The following WWTR1 variants were observed in gnomAD, a reference collection of about 807,000 sequenced individuals.
The protein encoded by WWTR1 is WW domain containing transcription regulator 1.
A neutral mutation model predicts 40.1 loss-of-function variants in WWTR1; 13 were observed. The ratio of observed to expected loss-of-function variants is 0.32; its 90% CI spans 0.21 to 0.52. The LOEUF (loss-of-function observed/expected upper bound fraction) is 0.52. WWTR1 is among the 20% of genes least tolerant of loss of function. The pLI is 0.97. For synonymous variants in WWTR1, 230 were observed against 210.1 expected, an observed-to-expected ratio of 1.09 and a Z score of -0.82; for missense variants, 436 against 523.1, an observed-to-expected ratio of 0.83 and a Z score of 1.63.
At chr3:149,552,899 T>C (rs1475827474) in intron 3 of WWTR1, among the ~76,000 whole-genome samples, 5 of 152,226 alleles carry the variant, frequency 3.3e-5, no homozygotes, top group Admixed American at 6.5e-5. Context: ...CACCTTTGAC[T>C]GTCTTCTCTA....
At chr3:149,720,683 C>T (rs1388517632) in intron 4 of WWTR1, among the ~76,000 whole-genome samples, 1 of 151,972 alleles carries the variant, frequency 6.6e-6, no homozygotes, top group Non-Finnish European at 1.5e-5. Flanking sequence ...ATAGGAACCA[C>T]ACTAAATCTG....
intron 2 of WWTR1, among the ~76,000 whole-genome samples, chr3:149,642,681 A>G (rs974586057): frequency 3.3e-5 from 5 of 151,774 alleles, no homozygotes; most frequent in Non-Finnish European, 7.4e-5. Flanking sequence ...AGGCTGAGGC[A>G]GGAGAATGGC....
At chr3:149,555,341 C>A (rs1002347575) in intron 3 of WWTR1, among the ~76,000 whole-genome samples, 1 of 152,084 alleles carries the variant, frequency 6.6e-6, no homozygotes, top group African/African-American at 2.4e-5. Context: ...AGAGAACATG[C>A]AATTAGTAAT....
intron 2 of WWTR1, among the ~76,000 whole-genome samples, chr3:149,604,853 C>A (rs1168216193): frequency 6.6e-6 from 1 of 152,216 alleles, no homozygotes; most frequent in Admixed American, 6.5e-5. Context: ...GAAAGGCCCA[C>A]ACAGAAGCTG....
intron 2 of WWTR1, among the ~76,000 whole-genome samples, chr3:149,615,529 T>C (rs1280668686): frequency 6.6e-6 from 1 of 152,222 alleles, no homozygotes; most frequent in Non-Finnish European, 1.5e-5. Flanking sequence ...AATATTTCCA[T>C]AATACAAAGT....
intron 2 of WWTR1, among the ~76,000 whole-genome samples, chr3:149,625,006 TATG>T (rs1050666147): frequency 1.3e-5 from 2 of 151,694 alleles, no homozygotes; most frequent in African/African-American, 2.4e-5. Flanking sequence ...GCTGGGATTA[TATG>T]TGTGAGCCAC....
chr3:149,538,654 T>C (rs1735939227), intron 4 of WWTR1, among the ~76,000 whole-genome samples: 1 of 152,194 alleles, frequency 6.6e-6, no homozygotes, highest in South Asian at 2.1e-4. Context: ...CTTTTGATCC[T>C]AATTCTGTAG....
chr3:149,521,426 G>T (rs146460078), intron 6 of WWTR1, among the ~76,000 whole-genome samples: 2 of 152,264 alleles, frequency 1.3e-5, no homozygotes, highest in African/African-American at 2.4e-5. Flanking sequence ...CTATTAAAAA[G>T]TTGTCTTCAT....
chr3:149,656,748 C>T (rs1360949211), intron 2 of WWTR1, 128 bp downstream of exon 2: 15 of 932,098 alleles, frequency 1.6e-5, no homozygotes, highest in Non-Finnish European at 6.0e-6. Context: ...TGGAAGGACA[C>T]GCACCATCTC....
intron 6 of WWTR1, among the ~76,000 whole-genome samples, chr3:149,521,694 T>C (rs974392741): frequency 1.3e-5 from 2 of 152,206 alleles, no homozygotes; most frequent in Non-Finnish European, 2.9e-5. Context: ...AGAACACAGG[T>C]GAGAAAATGC....
intron 5 of WWTR1, among the ~76,000 whole-genome samples, chr3:149,716,587 GA>G (rs896943441): frequency 3.7e-4 from 56 of 150,786 alleles, no homozygotes; most frequent in African/African-American, 1.2e-3. Flanking sequence ...TGGTATTAGG[GA>G]AAAAAAAATT....
intron 5 of WWTR1, among the ~76,000 whole-genome samples, chr3:149,711,159 G>C (rs1410265469): frequency 8.6e-6 from 1 of 116,244 alleles, no homozygotes; most frequent in African/African-American, 3.7e-5. Context: ...TCACACACTT[G>C]CTAAAAAAAA....
chr3:149,586,518 C>T (rs907657177), intron 2 of WWTR1, among the ~76,000 whole-genome samples: 1 of 152,164 alleles, frequency 6.6e-6, no homozygotes, highest in East Asian at 1.9e-4. Context: ...TCTAGAGTTC[C>T]TATAACCCTT....
intron 3 of WWTR1, among the ~76,000 whole-genome samples, chr3:149,558,539 C>G (rs6788170): frequency 0.017 from 2,522 of 152,284 alleles, 68 homozygotes; most frequent in African/African-American, 0.058. Context: ...CTGCTGCCCC[C>G]ACCCCACCTT....
intron 6 of WWTR1, among the ~76,000 whole-genome samples, chr3:149,523,065 T>TAAAA (rs35874540): frequency 1.4e-5 from 2 of 141,582 alleles, no homozygotes; most frequent in Non-Finnish European, 3.0e-5. Context: ...GACCCCGTAT[T>TAAAA]AAAAAAAAAA....
intron 4 of WWTR1, among the ~76,000 whole-genome samples, chr3:149,533,693 G>T (rs1161200192): frequency 6.6e-6 from 1 of 152,112 alleles, no homozygotes; most frequent in Non-Finnish European, 1.5e-5. Flanking sequence ...TCAAATCCCA[G>T]TTCAGTTACT....
At chr3:149,648,788 G>A (rs902181078) in intron 2 of WWTR1, among the ~76,000 whole-genome samples, 6 of 152,046 alleles carry the variant, frequency 3.9e-5, no homozygotes, top group African/African-American at 9.7e-5. Flanking sequence ...AAAGGCTTCC[G>A]GCAAACCAAG....
At chr3:149,521,869 C>T (rs1033672836) in intron 6 of WWTR1, among the ~76,000 whole-genome samples, 6 of 152,148 alleles carry the variant, frequency 3.9e-5, no homozygotes, top group African/African-American at 1.2e-4. Flanking sequence ...TCAGTTTACC[C>T]ATCTAGAAAT....
intron 2 of WWTR1, among the ~76,000 whole-genome samples, chr3:149,647,168 C>CA (rs1229761202): frequency 6.6e-6 from 1 of 152,078 alleles, no homozygotes; most frequent in East Asian, 1.9e-4. Context: ...TCTGAAAAAA[C>CA]AAAAAAACTA....
Sources: allele counts gnomAD v4.1 joint callset (sites outside exome capture counted in the v4.1 genomes callset), GRCh38; gene constraint gnomAD v4.1.1; transcripts MANE v1.5; gene names NCBI Gene and HGNC (gene_info 2026-07-23, HGNC 2026-07-21).